The following FAT3 variants were observed in gnomAD, a reference collection of about 807,000 sequenced individuals.
The protein encoded by FAT3 is protocadherin Fat 3.
FAT3 carries 95 observed loss-of-function variants against 310.2 expected under a neutral mutation model. That is an observed-to-expected ratio of 0.31 (90% CI 0.26 to 0.36). FAT3 has a LOEUF of 0.36. Among genes scored for constraint, FAT3 ranks in the 10% least tolerant of loss-of-function variants. FAT3 has a pLI of 1.00. For missense variants in FAT3, 5,408 were observed against 5,715.6 expected (o/e 0.95, Z 1.74); for synonymous variants, 2,314 against 2,192.9 (o/e 1.06, Z -1.54).
intron 4 of FAT3, among the ~76,000 whole-genome samples, chr11:92,723,046 G>A (rs1033113320): frequency 2.9e-4 from 44 of 152,168 alleles, no homozygotes; most frequent in African/African-American, 1.1e-3. Flanking sequence ...CTTGTTGCTT[G>A]TGCAAATTTC....
chr11:92,482,784 C>T (rs181801539), intron 2 of FAT3, among the ~76,000 whole-genome samples: 171 of 152,294 alleles, frequency 1.1e-3, no homozygotes, highest in South Asian at 2.9e-3. Context: ...ACTACATATT[C>T]GCCTCCGTTC....
At chr11:92,506,635 C>T (rs563444836) in intron 2 of FAT3, among the ~76,000 whole-genome samples, 1 of 152,202 alleles carries the variant, frequency 6.6e-6, no homozygotes, top group South Asian at 2.1e-4. Context: ...TTTCCAAGTT[C>T]CTAATATAGT....
At chr11:92,587,216 A>T (rs1939201772) in intron 3 of FAT3, among the ~76,000 whole-genome samples, 1 of 152,038 alleles carries the variant, frequency 6.6e-6, no homozygotes, top group Non-Finnish European at 1.5e-5. Context: ...ATTCTCACAC[A>T]GAAACCTCGA....
At position 92,354,932 on chromosome 11, in the gene FAT3, C is replaced by T; in HGVS notation, c.2820C>T (p.Ser940=). 6.2e-7 allele frequency: 1 copy of T among 1,613,860 alleles called. No homozygotes were observed. The highest frequency in any genetic ancestry group is 8.5e-7 in the Non-Finnish European group (1 of 1,179,874). ...GCTCCCCAGCTTTCATTCCCAGTAG[C>T]TATAGTGTGAAGGTTCTTGAAGATC... ...NDCSPAFIPS[S]YSVKVLEDLP... Residue 940 remains serine, a synonymous_variant, in exon 2 of 28, where the codon AGC becomes AGT. Coordinates refer to ENST00000525166, the MANE Select transcript of FAT3 (RefSeq NM_001367949.2).
chr11:92,305,731 A>G (rs539357626), intron 1 of FAT3, among the ~76,000 whole-genome samples: 1 of 152,282 alleles, frequency 6.6e-6, no homozygotes, highest in Admixed American at 6.5e-5. Context: ...ATAGAAAGTC[A>G]GTCTGCAAAA....
intron 13 of FAT3, among the ~76,000 whole-genome samples, chr11:92,824,376 A>G (rs1948050468): frequency 6.6e-6 from 1 of 152,198 alleles, no homozygotes; most frequent in Admixed American, 6.5e-5. Context: ...AAAGAAAGAA[A>G]GAAAATCATT....
chr11:92,844,866 C>A, intron 19 of FAT3, 134 bp downstream of exon 19: 2 of 1,103,150 alleles, frequency 1.8e-6, no homozygotes, highest in African/African-American at 1.6e-5. Flanking sequence ...TGCCCAAAAG[C>A]CATGATAGAT....
intron 1 of FAT3, among the ~76,000 whole-genome samples, chr11:92,260,875 A>G (rs1865522580): frequency 6.6e-6 from 1 of 152,102 alleles, no homozygotes; most frequent in South Asian, 2.1e-4. Flanking sequence ...GAGTATGCCA[A>G]CATGTAGGAC....
intron 1 of FAT3, among the ~76,000 whole-genome samples, chr11:92,246,411 A>G (rs1372465159): frequency 2.0e-5 from 3 of 151,996 alleles, no homozygotes; most frequent in Non-Finnish European, 4.4e-5. Context: ...GTAGGAGAGG[A>G]GGGATAATTA....
At chr11:92,272,041 G>A (rs1946136263) in intron 1 of FAT3, among the ~76,000 whole-genome samples, 1 of 152,084 alleles carries the variant, frequency 6.6e-6, no homozygotes, top group South Asian at 2.1e-4. Context: ...CTGTCAAGCA[G>A]TCGTTGTCCT....
intron 3 of FAT3, among the ~76,000 whole-genome samples, chr11:92,685,881 T>C (rs1478530050): frequency 6.6e-6 from 1 of 152,186 alleles, no homozygotes; most frequent in Non-Finnish European, 1.5e-5. Flanking sequence ...ACAAGGCTTC[T>C]TCCCTGACTT....
At chr11:92,426,514 A>G (rs1429395971) in intron 2 of FAT3, among the ~76,000 whole-genome samples, 1 of 152,170 alleles carries the variant, frequency 6.6e-6, no homozygotes, top group African/African-American at 2.4e-5. Context: ...TTTAGGTCTT[A>G]CTTTTAAATC....
At chr11:92,306,995 C>T (rs1360538208) in intron 1 of FAT3, among the ~76,000 whole-genome samples, 1 of 150,636 alleles carries the variant, frequency 6.6e-6, no homozygotes, top group African/African-American at 2.4e-5. Flanking sequence ...GACAGTTTCT[C>T]TATGTTGCCC....
At chr11:92,633,189 A>G (rs74332822) in intron 3 of FAT3, among the ~76,000 whole-genome samples, 3,715 of 152,294 alleles carry the variant, frequency 0.024, 144 homozygotes, top group African/African-American at 0.084. Flanking sequence ...CTTTTCACTT[A>G]CAAGAGGACT....
At position 92,844,622 on chromosome 11, in the gene FAT3, A is replaced by T. The variant is rs367993093; in HGVS notation, c.11255A>T (p.His3752Leu). The T allele has an allele frequency of 1.2e-6, 2 of 1,613,114 alleles. No individual in the cohort carries two copies. Among genetic ancestry groups the T allele is most frequent in the South Asian group, 2.2e-5 (2 of 90,704 alleles). The change falls in exon 19 of 28, where the codon CAT becomes CTT. Residue 3752 changes from histidine (H) to leucine (L), a missense_variant. This residue lies in a region of FAT3 where 4,588 missense variants were observed against 4,809.8 expected (regional missense o/e 0.95). Coordinates refer to ENST00000525166, the MANE Select transcript of FAT3 (RefSeq NM_001367949.2). ...TCAGGGCTGGACTGTCAGGAACAGC[A>T]TTGTGAGCAAGGCTTGTCACTCGAT... ...NCSGLDCQEQ[H>L]CEQGLSLDSH...
intron 3 of FAT3, among the ~76,000 whole-genome samples, chr11:92,574,382 G>A (rs1272593931): frequency 6.6e-6 from 1 of 152,128 alleles, no homozygotes; most frequent in African/African-American, 2.4e-5. Flanking sequence ...ATCTTTCTGT[G>A]GCTCCAAATG....
intron 6 of FAT3, among the ~76,000 whole-genome samples, chr11:92,772,004 T>C (rs1946471315): frequency 6.6e-6 from 1 of 152,110 alleles, no homozygotes; most frequent in African/African-American, 2.4e-5. Flanking sequence ...TTCTCTAAAT[T>C]TTATTTTTAA....
chr11:92,836,513 C>T (rs1175067772), intron 15 of FAT3, 53 bp from the exon 16 acceptor site: 29 of 1,588,722 alleles, frequency 1.8e-5, no homozygotes, highest in South Asian at 4.7e-5. Context: ...TAAGAATCAA[C>T]CTTTGCTGCC....
chr11:92,342,852 A>G (rs1188272802), intron 1 of FAT3, among the ~76,000 whole-genome samples: 1 of 152,218 alleles, frequency 6.6e-6, no homozygotes, highest in African/African-American at 2.4e-5. Flanking sequence ...CAGACAGCCA[A>G]GCATAGGAGC....
Sources: allele counts gnomAD v4.1 joint callset (sites outside exome capture counted in the v4.1 genomes callset), GRCh38; gene constraint gnomAD v4.1.1; regional missense constraint gnomAD v4.1.1; transcripts MANE v1.5; gene names NCBI Gene and HGNC (gene_info 2026-07-23, HGNC 2026-07-21).